Variants in CRYBB1 observed in about 807,000 individuals in gnomAD.
The protein encoded by CRYBB1 is beta-crystallin B1.
CRYBB1 carries 16 observed loss-of-function variants against 29.5 expected under a neutral mutation model. The observed-to-expected ratio is 0.54, with a 90% confidence interval of 0.37 to 0.82. CRYBB1 has a LOEUF of 0.82. Among genes scored for constraint, CRYBB1 ranks in the 40% least tolerant of loss-of-function variants. CRYBB1 has a pLI of 0.00. For missense variants in CRYBB1, 300 were observed against 350.5 expected, an observed-to-expected ratio of 0.86 and a Z score of 1.15; for synonymous variants, 127 against 136.7, an observed-to-expected ratio of 0.93 and a Z score of 0.49.
At chr22:26,614,424 A>T (rs1929277882) in intron 2 of CRYBB1, among the ~76,000 whole-genome samples, 1 of 152,188 alleles carries the variant, frequency 6.6e-6, no homozygotes, top group African/African-American at 2.4e-5. Context: ...AAAAATAGAA[A>T]AGAATCTATG....
intron 4 of CRYBB1, 75 bp downstream of exon 4, chr22:26,607,814 C>T (rs1402906410): frequency 5.6e-6 from 9 of 1,605,740 alleles, no homozygotes; most frequent in African/African-American, 2.7e-5. Flanking sequence ...CCTTCTTGCC[C>T]TTGTCAGATC....
At chr22:26,614,126 C>A (rs1017879217) in intron 2 of CRYBB1, among the ~76,000 whole-genome samples, 1 of 152,208 alleles carries the variant, frequency 6.6e-6, no homozygotes, top group African/African-American at 2.4e-5. Flanking sequence ...CCCAAAACTT[C>A]ATTAGCAATT....
Position 26,599,349 on chromosome 22 carries a change from A to AT in CRYBB1, c.*140dup. The AT allele has an allele frequency of 1.4e-6, 1 of 733,230 alleles. No homozygotes were observed. The highest frequency in any genetic ancestry group is 2.5e-5 in the East Asian group (1 of 39,964). The allele number at this position is 733,230 out of a possible 1,614,324, so 45.4% of individuals were successfully genotyped here. On this transcript the variant is annotated 3_prime_UTR_variant, in exon 6 of 6. Transcript: ENST00000647684. ...GCGAGGAAGTCACATCCCAGTAACTATGGGGGACCTCAAGGCACACATCTG... is the reference window on the plus strand; with the variant it reads ...GCGAGGAAGTCACATCCCAGTAACTATTGGGGGACCTCAAGGCACACATCTG...
chr22:26,616,948 A>C (rs1268461172), intron 1 of CRYBB1, among the ~76,000 whole-genome samples: 4 of 152,222 alleles, frequency 2.6e-5, no homozygotes, highest in African/African-American at 7.2e-5. Context: ...AATCTGATTT[A>C]TTCACCGTCC....
chr22:26,610,413 C>A (rs1366245049), intron 3 of CRYBB1, among the ~76,000 whole-genome samples: 1 of 152,136 alleles, frequency 6.6e-6, no homozygotes, highest in Non-Finnish European at 1.5e-5. Context: ...CGTTTCCATG[C>A]CCATCAGGCA....
chr22:26,612,064 G>C lies in CRYBB1; in HGVS notation c.299+8C>G, dbSNP rs372289191. 7 of 1,602,318 alleles carry C rather than the reference G, an allele frequency of 4.4e-6. No individual in the cohort carries two copies. In the Admixed American group the frequency reaches 5.0e-5, roughly 11 times the overall value. ...AGAGAGTGTGCCCCTCCGCCGCCCAGTACTCACGGTCCCGCGGAGACAATG... is the reference window on the plus strand; with the variant it reads ...AGAGAGTGTGCCCCTCCGCCGCCCACTACTCACGGTCCCGCGGAGACAATG... On this transcript the variant is annotated splice_region_variant and intron_variant, in intron 3 of 5. Coordinates refer to ENST00000647684, the MANE Select transcript of CRYBB1 (RefSeq NM_001887.4).
rs372169881 is a variant in CRYBB1 at position 26,599,552 on chromosome 22, G to A, written c.697C>T (p.Arg233Cys). 21 of 1,614,014 alleles carry A rather than the reference G, an allele frequency of 1.3e-5. No individual in the cohort carries two copies. Among genetic ancestry groups the A allele is most frequent in the South Asian group, 3.3e-5 (3 of 91,086 alleles). ...CCCTCGAGGTGCCACTGCTTGTCAC[G>A]CAGGCGACGCAGGGACTGCATCTGT... ...QPQMQSLRRL[R>C]DKQWHLEGSF... Residue 233 changes from arginine (R) to cysteine (C), a missense_variant, in exon 6 of 6, where the codon CGT becomes TGT. Transcript: ENST00000647684.
intron 3 of CRYBB1, among the ~76,000 whole-genome samples, chr22:26,611,764 G>A (rs1050234549): frequency 9.2e-5 from 14 of 152,178 alleles, no homozygotes; most frequent in Middle Eastern, 3.4e-3. Flanking sequence ...GTGAGCCACC[G>A]CGCCCGGCCG....
intron 4 of CRYBB1, among the ~76,000 whole-genome samples, chr22:26,607,259 G>T (rs1178784342): frequency 6.6e-6 from 1 of 151,722 alleles, no homozygotes; most frequent in Non-Finnish European, 1.5e-5. Flanking sequence ...CTGACCTTGG[G>T]TAACCACCCA....
intron 2 of CRYBB1, among the ~76,000 whole-genome samples, chr22:26,613,033 A>AG (rs1240218584): frequency 1.3e-5 from 2 of 152,192 alleles, no homozygotes; most frequent in Middle Eastern, 3.4e-3. Context: ...CCAAAGACCA[A>AG]GGACTCCTCC....
At chr22:26,604,982 C>T (rs1928931495) in intron 4 of CRYBB1, among the ~76,000 whole-genome samples, 2 of 152,280 alleles carry the variant, frequency 1.3e-5, no homozygotes, top group South Asian at 4.1e-4. Flanking sequence ...TTCCTCCACT[C>T]CCTCTGCTGC....
In CRYBB1 at chr22:26,612,202, A is replaced by G; in HGVS notation, c.181-12T>C. The G allele has an allele frequency of 6.3e-7, 1 of 1,592,420 alleles. No individual in the cohort carries two copies. The highest frequency in any genetic ancestry group is 1.3e-5 in the African/African-American group (1 of 74,534). ...TCGAAGACCACCAGCTGCAGGAGAG[A>G]AGCCCCCATGCCAAGGGCAGAGTGA... is the stretch of plus-strand genomic sequence containing the variant. On this transcript the variant is annotated splice_polypyrimidine_tract_variant and intron_variant, in intron 2 of 5. Transcript: ENST00000647684.
chr22:26,617,442 A>G (rs1396090888), intron 1 of CRYBB1, among the ~76,000 whole-genome samples: 1 of 152,176 alleles, frequency 6.6e-6, no homozygotes, highest in Non-Finnish European at 1.5e-5. Context: ...AGCCTCCTCC[A>G]GGAAGGCTGT....
At chr22:26,604,833 G>A (rs1221210168) in intron 4 of CRYBB1, among the ~76,000 whole-genome samples, 5 of 152,110 alleles carry the variant, frequency 3.3e-5, no homozygotes, top group South Asian at 2.1e-4. Flanking sequence ...TTACTGTTAC[G>A]GTCTTGAGGG....
intron 3 of CRYBB1, among the ~76,000 whole-genome samples, chr22:26,610,386 C>T (rs1478378672): frequency 1.3e-5 from 2 of 152,168 alleles, no homozygotes; most frequent in African/African-American, 4.8e-5. Context: ...CAGACCCAGG[C>T]CCCCGGACCA....
intron 2 of CRYBB1, among the ~76,000 whole-genome samples, chr22:26,612,682 C>T (rs556073447): frequency 7.9e-5 from 12 of 152,306 alleles, no homozygotes; most frequent in African/African-American, 2.6e-4. Flanking sequence ...CTAAGATCTG[C>T]GCCATCATTA....
At chr22:26,614,864 A>C (rs1373778914) in intron 2 of CRYBB1, among the ~76,000 whole-genome samples, 1 of 152,162 alleles carries the variant, frequency 6.6e-6, no homozygotes, top group Non-Finnish European at 1.5e-5. Flanking sequence ...ATACATGTGT[A>C]TGTGTGTATA....
At chr22:26,605,479 T>C (rs1928945631) in intron 4 of CRYBB1, among the ~76,000 whole-genome samples, 1 of 151,810 alleles carries the variant, frequency 6.6e-6, no homozygotes, top group Non-Finnish European at 1.5e-5. Context: ...TTTGAGACCA[T>C]CCTGGCCAAC....
intron 3 of CRYBB1, among the ~76,000 whole-genome samples, chr22:26,611,668 G>T (rs980147898): frequency 1.4e-4 from 22 of 152,062 alleles, no homozygotes; most frequent in African/African-American, 5.3e-4. Context: ...TAGAGACGGG[G>T]TTTCACCTTG....
Sources: allele counts gnomAD v4.1 joint callset (sites outside exome capture counted in the v4.1 genomes callset), GRCh38; gene constraint gnomAD v4.1.1; transcripts MANE v1.5; gene names NCBI Gene and HGNC (gene_info 2026-07-23, HGNC 2026-07-21).